Variants in XIRP2 observed in about 807,000 individuals in gnomAD.
XIRP2 encodes the protein xin actin-binding repeat-containing protein 2.
Under a neutral mutation model 277.0 loss-of-function variants are expected in XIRP2, and 236 were observed. The observed-to-expected ratio is 0.85, with a 90% confidence interval of 0.77 to 0.95. The LOEUF (loss-of-function observed/expected upper bound fraction) is 0.95. XIRP2 is among the 40% of genes least tolerant of loss of function. XIRP2 has a pLI of 0.00. For synonymous variants in XIRP2, 1,490 were observed against 1,416.5 expected (o/e 1.05, Z -1.17); for missense variants, 4,640 against 4,157.5 (o/e 1.12, Z -3.19).
chr2:166,999,091 T>C (rs569884603), intron 2 of XIRP2, among the ~76,000 whole-genome samples: 3 of 150,664 alleles, frequency 2.0e-5, no homozygotes, highest in Non-Finnish European at 4.4e-5. Context: ...TAAAATCATA[T>C]ATTTATTTTT....
rs771098296 is a variant in XIRP2, at chr2:167,247,778, T to C, written c.6386T>C (p.Leu2129Pro). The change falls in exon 9 of 11, where the codon CTG (leucine) becomes CCG (proline). Residue 2129 changes from leucine to proline, a missense_variant. By Grantham distance (98) the Leu-to-Pro change is moderately conservative (BLOSUM62 -3). Coordinates refer to ENST00000409195, the MANE Select transcript of XIRP2 (RefSeq NM_152381.6). The part of the protein sequence containing the change: ...KTVGKQQTYE[L>P]RNDHQKMEGF... ...GTTGGAAAGCAACAGACATATGAAC[T>C]GAGAAATGACCACCAGAAAATGGAG... 2 of 1,613,192 alleles carry C rather than the reference T, an allele frequency of 1.2e-6. No individual in the cohort carries two copies. The highest frequency in any genetic ancestry group is 4.5e-5 in the East Asian group (2 of 44,808).
At chr2:167,100,822 T>C (rs1297306846) in intron 2 of XIRP2, among the ~76,000 whole-genome samples, 3 of 152,190 alleles carry the variant, frequency 2.0e-5, no homozygotes, top group African/African-American at 7.2e-5. Flanking sequence ...GCTCCCAATC[T>C]CTAGATGAAG....
At chr2:166,937,576 T>C (rs1346537248) in intron 2 of XIRP2, among the ~76,000 whole-genome samples, 1 of 152,158 alleles carries the variant, frequency 6.6e-6, no homozygotes, top group Admixed American at 6.5e-5. Flanking sequence ...TGTGTCTCTG[T>C]CAGACTTTGG....
intron 2 of XIRP2, among the ~76,000 whole-genome samples, chr2:166,927,410 A>G (rs1211749568): frequency 6.6e-6 from 1 of 152,146 alleles, no homozygotes; most frequent in Non-Finnish European, 1.5e-5. Context: ...AAGTGTTGGC[A>G]AGTCTGCATT....
At position 167,250,288 on chromosome 2, in the gene XIRP2, G is replaced by A. The variant is rs1695440628; in HGVS notation, c.8896G>A (p.Ala2966Thr). The part of the protein sequence containing the change: ...QILSRVKQFE[A>T]EPNKSGLKTF... ...TTTGTCGAGAGTGAAACAGTTTGAA[G>A]CAGAGCCAAATAAAAGTGGCCTTAA... Residue 2966 changes from alanine (A) to threonine (T), a missense_variant, in exon 9 of 11, where the codon GCA becomes ACA. Transcript: ENST00000409195. 1 of 1,613,004 alleles carries A rather than the reference G, an allele frequency of 6.2e-7. No homozygotes were observed. Among genetic ancestry groups the A allele is most frequent in the African/African-American group, 1.3e-5 (1 of 74,804 alleles).
chr2:167,098,892 A>G (rs1015289417), intron 2 of XIRP2, among the ~76,000 whole-genome samples: 6 of 152,290 alleles, frequency 3.9e-5, no homozygotes, highest in Admixed American at 6.5e-5. Context: ...ATAGCAAAGA[A>G]TGCTGCCTGT....
intron 2 of XIRP2, among the ~76,000 whole-genome samples, chr2:166,995,083 T>C (rs752412497): frequency 3.7e-4 from 57 of 152,142 alleles, no homozygotes; most frequent in Non-Finnish European, 6.0e-4. Flanking sequence ...GGTTTCACCA[T>C]GTTGGCCAGG....
chr2:167,083,079 T>C (rs1343585404), intron 2 of XIRP2, among the ~76,000 whole-genome samples: 1 of 152,202 alleles, frequency 6.6e-6, no homozygotes, highest in Non-Finnish European at 1.5e-5. Flanking sequence ...TGGTTTTAGG[T>C]CTAACATTTA....
At chr2:166,890,697 GA>G (rs1351372626) in intron 1 of XIRP2, among the ~76,000 whole-genome samples, 1 of 152,134 alleles carries the variant, frequency 6.6e-6, no homozygotes, top group Non-Finnish European at 1.5e-5. Flanking sequence ...TGATATGACA[GA>G]TCATCAGCTT....
intron 2 of XIRP2, among the ~76,000 whole-genome samples, chr2:166,916,942 TA>T (rs1684901549): frequency 6.6e-6 from 1 of 152,174 alleles, no homozygotes. Context: ...AAGAGGCATT[TA>T]AGAGGCAGCA....
rs1695343620 is a variant in XIRP2 at position 167,248,207 on chromosome 2, A to G, written c.6815A>G (p.Asn2272Ser). ...GLKMAMERSL[N>S]PINFNPENNV... The stretch of plus-strand genomic sequence containing the variant: ...AAAATGGCAATGGAAAGGTCCTTGA[A>G]TCCAATCAACTTTAACCCTGAGAAT... The change falls in exon 9 of 11, where the codon AAT becomes AGT. Residue 2272 changes from asparagine to serine, a missense_variant. Transcript: ENST00000409195. The G allele has an allele frequency of 3.7e-6, 6 of 1,613,628 alleles. No individual in the cohort carries two copies. Among genetic ancestry groups the G allele is most frequent in the Non-Finnish European group, 4.2e-6 (5 of 1,179,782 alleles).
intron 2 of XIRP2, among the ~76,000 whole-genome samples, chr2:167,010,025 C>T (rs952917584): frequency 2.0e-4 from 30 of 152,152 alleles, no homozygotes; most frequent in Non-Finnish European, 2.8e-4. Flanking sequence ...TGCCTGTTCA[C>T]GCTGATGGTA....
intron 2 of XIRP2, among the ~76,000 whole-genome samples, chr2:166,926,344 G>T (rs1462529758): frequency 6.6e-6 from 1 of 151,898 alleles, no homozygotes; most frequent in Non-Finnish European, 1.5e-5. Flanking sequence ...ACAATATTCT[G>T]TACCTCCATT....
intron 2 of XIRP2, among the ~76,000 whole-genome samples, chr2:167,015,436 A>ATCTG (rs1687795217): frequency 1.3e-5 from 2 of 151,016 alleles, no homozygotes; most frequent in South Asian, 4.2e-4. Flanking sequence ...CTATCTATCT[A>ATCTG]TCTATCTATC....
At chr2:167,178,324 C>A (rs1286244413) in intron 3 of XIRP2, among the ~76,000 whole-genome samples, 1 of 152,076 alleles carries the variant, frequency 6.6e-6, no homozygotes, top group Non-Finnish European at 1.5e-5. Flanking sequence ...ATGAAAAACA[C>A]ATTTCTGTTT....
At chr2:167,050,430 C>T (rs1046941776) in intron 2 of XIRP2, among the ~76,000 whole-genome samples, 2 of 151,966 alleles carry the variant, frequency 1.3e-5, no homozygotes, top group Non-Finnish European at 2.9e-5. Context: ...ATTGCTTATC[C>T]ATTGCATTAT....
intron 1 of XIRP2, among the ~76,000 whole-genome samples, chr2:166,903,160 G>A (rs1684423898): frequency 6.6e-6 from 1 of 152,026 alleles, no homozygotes; most frequent in Admixed American, 6.6e-5. Flanking sequence ...TTAAATAACT[G>A]TTGGCTGATT....
chr2:167,251,963 A>G lies in XIRP2; in HGVS notation c.10555+16A>G. 6.5e-7 allele frequency: 1 copy of G among 1,533,072 alleles called. No homozygotes were observed. The highest frequency in any genetic ancestry group is 8.7e-7 in the Non-Finnish European group (1 of 1,147,570). 95.0% of individuals were successfully genotyped at this position (1,533,072 alleles called of 1,614,324 possible). A position where few individuals can be genotyped will look rare whatever the true frequency, so the allele number is the denominator to read the frequency against. ...TTTATAAGTGGTAAATGAGCTTGCAATGTGTTAAAGAAGATTAACCATTTA... is the reference window on the plus strand; with the variant it reads ...TTTATAAGTGGTAAATGAGCTTGCAGTGTGTTAAAGAAGATTAACCATTTA... On this transcript the variant is annotated intron_variant, in intron 9 of 10. Transcript: ENST00000409195.
chr2:167,112,149 G>A (rs1690775738), intron 2 of XIRP2, among the ~76,000 whole-genome samples: 1 of 151,608 alleles, frequency 6.6e-6, no homozygotes, highest in South Asian at 2.1e-4. Flanking sequence ...AGTTTTTTGT[G>A]TCTCAGTTTC....
Sources: allele counts gnomAD v4.1 joint callset (sites outside exome capture counted in the v4.1 genomes callset), GRCh38; gene constraint gnomAD v4.1.1; transcripts MANE v1.5; gene names NCBI Gene and HGNC (gene_info 2026-07-23, HGNC 2026-07-21).